The following GPR39 variants were observed in gnomAD, a reference collection of about 807,000 sequenced individuals.
GPR39 encodes zinc sensing receptor.
GPR39 carries 23 observed loss-of-function variants against 18.4 expected under a neutral mutation model. The observed-to-expected ratio is 1.25, with a 90% CI of 0.90 to 1.77. GPR39 has a LOEUF of 1.77. GPR39 is among the 40% of genes most tolerant of loss of function. The pLI, the probability that GPR39 is intolerant of heterozygous loss-of-function variation, is 0.00. For missense variants in GPR39, 647 were observed against 602.4 expected (o/e 1.07, Z -0.78); for synonymous variants, 280 against 257.9 (o/e 1.09, Z -0.82).
At chr2:132,444,237 T>G (rs1680490897) in intron 1 of GPR39, among the ~76,000 whole-genome samples, 1 of 152,196 alleles carries the variant, frequency 6.6e-6, no homozygotes, top group Admixed American at 6.5e-5. Context: ...ATTGAACTGT[T>G]ACCTAGTCTC....
intron 1 of GPR39, among the ~76,000 whole-genome samples, chr2:132,471,884 A>C (rs1489978326): frequency 6.6e-6 from 1 of 152,120 alleles, no homozygotes; most frequent in Non-Finnish European, 1.5e-5. Flanking sequence ...ATTTCCAACA[A>C]AAGCTCTGCA....
intron 1 of GPR39, among the ~76,000 whole-genome samples, chr2:132,621,316 G>A (rs1681436969): frequency 6.6e-6 from 1 of 152,172 alleles, no homozygotes; most frequent in African/African-American, 2.4e-5. Flanking sequence ...AAGTTAACAC[G>A]GAAATGCAAG....
chr2:132,474,477 C>A (rs574156199), intron 1 of GPR39, among the ~76,000 whole-genome samples: 1 of 152,156 alleles, frequency 6.6e-6, no homozygotes, highest in African/African-American at 2.4e-5. Context: ...AGCTGACTTA[C>A]GTCTGGAAAC....
At chr2:132,427,314 C>A (rs1680143682) in intron 1 of GPR39, among the ~76,000 whole-genome samples, 2 of 148,174 alleles carry the variant, frequency 1.3e-5, no homozygotes, top group African/African-American at 4.9e-5. Context: ...CAGGCGCCTG[C>A]CACCACACCT....
chr2:132,514,723 T>G (rs1392294041), intron 1 of GPR39, among the ~76,000 whole-genome samples: 1 of 152,216 alleles, frequency 6.6e-6, no homozygotes. Flanking sequence ...CCTCTGGACT[T>G]GGCCCTAGAT....
intron 1 of GPR39, among the ~76,000 whole-genome samples, chr2:132,576,225 T>C (rs923320411): frequency 6.6e-6 from 1 of 152,220 alleles, no homozygotes; most frequent in Non-Finnish European, 1.5e-5. Flanking sequence ...GTTGGATATG[T>C]GGTCTGAAAA....
Position 132,619,846 on chromosome 2 carries a change from CACACACACACAG to C in GPR39, c.857-25243_857-25232del, listed in dbSNP as rs1414005227. Among the ~76,000 whole-genome samples, 288 of 140,098 alleles carry C rather than the reference CACACACACACAG, an allele frequency of 2.1e-3. 4 individuals are homozygous for C. In the East Asian group the frequency reaches 0.043, roughly 21 times the overall value. 91.9% of individuals were successfully genotyped at this position (140,098 alleles called of 152,430 possible). ...ACAGACACAGACACACACACACACA[CACACACACACAG>C]ACACACACACACTCTCCACACCCTA... is the stretch of plus-strand genomic sequence containing the variant. On this transcript the variant is annotated intron_variant, in intron 1 of 1. Coordinates refer to ENST00000329321, the MANE Select transcript of GPR39 (RefSeq NM_001508.3).
At chr2:132,607,760 A>G (rs1681165108) in intron 1 of GPR39, among the ~76,000 whole-genome samples, 2 of 152,234 alleles carry the variant, frequency 1.3e-5, no homozygotes, top group South Asian at 4.1e-4. Context: ...AATGGCTGTA[A>G]GCTGCAAAAA....
At chr2:132,607,228 T>G (rs1393309794) in intron 1 of GPR39, among the ~76,000 whole-genome samples, 1 of 152,180 alleles carries the variant, frequency 6.6e-6, no homozygotes, top group African/African-American at 2.4e-5. Context: ...TACAAGATAT[T>G]TGGTTTTTTT....
chr2:132,522,817 C>T (rs919346997), intron 1 of GPR39, among the ~76,000 whole-genome samples: 1 of 152,236 alleles, frequency 6.6e-6, no homozygotes, highest in Non-Finnish European at 1.5e-5. Flanking sequence ...GGAAACCATT[C>T]CAACCCTGTT....
chr2:132,476,165 ACTCGGGC>A (rs1681121810), intron 1 of GPR39, among the ~76,000 whole-genome samples: 1 of 152,038 alleles, frequency 6.6e-6, no homozygotes, highest in African/African-American at 2.4e-5. Flanking sequence ...AAGTCCTTTA[ACTCGGGC>A]CTAGTAGTGT....
In GPR39 at chr2:132,492,773, TATATATACCATATATATACC is replaced by T. The variant is rs1359264657; in HGVS notation, c.856+74895_856+74914del. Among the ~76,000 whole-genome samples the T allele has an allele frequency of 2.1e-3, 82 of 38,986 alleles. 1 individual carries two copies. The highest frequency in any genetic ancestry group is 5.3e-3 in the Admixed American group (11 of 2,088). 25.6% of individuals were successfully genotyped at this position (38,986 alleles called of 152,430 possible). A position where few individuals can be genotyped will look rare whatever the true frequency, so the allele number is the denominator to read the frequency against. On this transcript the variant is annotated intron_variant, in intron 1 of 1. Coordinates refer to ENST00000329321, the MANE Select transcript of GPR39 (RefSeq NM_001508.3). Reference sequence around the variant, plus strand: ...GTATATACCATATATATACATTCCATATATATACCATATATATACCATATATACCATATATATACATACCA... The same window carrying T: ...GTATATACCATATATATACATTCCATATATATACCATATATATACATACCA...
At chr2:132,572,698 G>A (rs918816805) in intron 1 of GPR39, among the ~76,000 whole-genome samples, 5 of 152,020 alleles carry the variant, frequency 3.3e-5, no homozygotes, top group African/African-American at 1.2e-4. Flanking sequence ...CCATTCTCTC[G>A]GGCACTTTCC....
intron 1 of GPR39, among the ~76,000 whole-genome samples, chr2:132,536,689 C>T (rs981989189): frequency 4.6e-5 from 7 of 152,092 alleles, no homozygotes; most frequent in Non-Finnish European, 7.4e-5. Context: ...CCACTATTAT[C>T]GTGTGGGAGT....
At chr2:132,537,182 G>C (rs954369521) in intron 1 of GPR39, among the ~76,000 whole-genome samples, 7 of 152,112 alleles carry the variant, frequency 4.6e-5, no homozygotes, top group Non-Finnish European at 8.8e-5. Flanking sequence ...TTTATATTGT[G>C]GTATGTTTTT....
chr2:132,558,657 T>C (rs1319463742), intron 1 of GPR39, among the ~76,000 whole-genome samples: 3 of 152,154 alleles, frequency 2.0e-5, no homozygotes, highest in South Asian at 2.1e-4. Flanking sequence ...AACAAGACGA[T>C]GCACTTGAGA....
chr2:132,617,970 C>T (rs1681367278), intron 1 of GPR39, among the ~76,000 whole-genome samples: 1 of 152,196 alleles, frequency 6.6e-6, no homozygotes, highest in Non-Finnish European at 1.5e-5. Context: ...TGGCCTGTTG[C>T]TTCCCTGATC....
chr2:132,501,852 C>G (rs544025683), intron 1 of GPR39, among the ~76,000 whole-genome samples: 1 of 152,114 alleles, frequency 6.6e-6, no homozygotes, highest in East Asian at 1.9e-4. Context: ...TTTTTAAACT[C>G]CTGTTGCTTT....
intron 1 of GPR39, among the ~76,000 whole-genome samples, chr2:132,631,430 A>G (rs1681648023): frequency 1.3e-5 from 2 of 152,222 alleles, no homozygotes; most frequent in Admixed American, 1.3e-4. Flanking sequence ...ATTAACAGGA[A>G]GGCATCCTCA....
Sources: gnomAD v4.1 joint callset for allele counts (sites outside exome capture counted in the v4.1 genomes callset) on GRCh38, gnomAD v4.1.1 for gene constraint, MANE v1.5 for transcripts, NCBI Gene and HGNC (gene_info 2026-07-23, HGNC 2026-07-21) for gene names.